EXOC2: variants seen among roughly 807,000 people sequenced by gnomAD.
EXOC2 encodes the protein exocyst complex component 2, also known as SEC5-like 1.
A neutral mutation model predicts 131.8 loss-of-function variants in EXOC2; 70 were observed. The ratio of observed to expected loss-of-function variants is 0.53; its 90% CI spans 0.44 to 0.65. The LOEUF (loss-of-function observed/expected upper bound fraction) is 0.65, where lower values mean the gene tolerates loss of function less well. Among genes scored for constraint, EXOC2 ranks in the 30% least tolerant of loss-of-function variants. The pLI is 0.00. For missense variants in EXOC2, 923 were observed against 1,108.6 expected, an observed-to-expected ratio of 0.83 and a Z score of 2.38; for synonymous variants, 411 against 398.4, an observed-to-expected ratio of 1.03 and a Z score of -0.38.
At chr6:536,893 A>G (rs1464184578) in intron 22 of EXOC2, among the ~76,000 whole-genome samples, 1 of 152,224 alleles carries the variant, frequency 6.6e-6, no homozygotes, top group African/African-American at 2.4e-5. Flanking sequence ...ATGAACTGAA[A>G]AAATATGTAT....
Position 486,722 on chromosome 6 carries a change from G to C in EXOC2, c.2724C>G (p.His908Gln). ...CTGCTTGGAAACAGGTGAGCTGCAA[G>C]TGCATGCTACTCTTGAACTTGTTCA... ...ELLNKFKSSMHLQLTCFQAAS... is the reference protein window; with the variant it reads ...ELLNKFKSSMQLQLTCFQAAS... The change falls in exon 28 of 28, where the codon CAC becomes CAG. Residue 908 changes from histidine to glutamine, a missense_variant. Coordinates refer to ENST00000230449, the MANE Select transcript of EXOC2 (RefSeq NM_018303.6). The C allele has an allele frequency of 3.1e-6, 5 of 1,614,190 alleles. No individual in the cohort carries two copies. Among genetic ancestry groups the C allele is most frequent in the Non-Finnish European group, 3.4e-6 (4 of 1,180,030 alleles).
At chr6:503,317 G>A (rs150351076) in intron 23 of EXOC2, among the ~76,000 whole-genome samples, 237 of 152,250 alleles carry the variant, frequency 1.6e-3, no homozygotes, top group African/African-American at 5.4e-3. Context: ...AAGGCATATG[G>A]TGCTCCAAGT....
At chr6:546,550 A>G (rs541239845) in intron 22 of EXOC2, among the ~76,000 whole-genome samples, 1 of 152,104 alleles carries the variant, frequency 6.6e-6, no homozygotes, top group Non-Finnish European at 1.5e-5. Context: ...TTATACACGC[A>G]TTTTCTTCTG....
At chr6:549,025 CT>C in intron 22 of EXOC2, 149 bp downstream of exon 22, 1 of 687,168 alleles carries the variant, frequency 1.5e-6, no homozygotes, top group Non-Finnish European at 2.6e-6. Context: ...TCATCCAAAG[CT>C]TTAGCAGGGT....
rs182510761 is a variant in EXOC2, at chr6:610,083, T to C, written c.742+15A>G. The C allele has an allele frequency of 1.2e-4, 194 of 1,611,246 alleles. No homozygotes were observed. The African/African-American group carries it at 2.4e-3, about 20-fold the overall frequency. ...AAAATCCATAAATAGTTCTGGGTAG[T>C]AGGACAAAACTTACTGTTCAGAACA... On this transcript the variant is annotated intron_variant, in intron 7 of 27. Transcript: ENST00000230449.
At chr6:645,694 ATG>A (rs949244596) in intron 1 of EXOC2, among the ~76,000 whole-genome samples, 1 of 152,104 alleles carries the variant, frequency 6.6e-6, no homozygotes, top group East Asian at 1.9e-4. Flanking sequence ...TGGTAGATTT[ATG>A]TGTGTGTGCA....
intron 1 of EXOC2, among the ~76,000 whole-genome samples, chr6:659,830 A>G (rs1319501270): frequency 6.6e-6 from 1 of 152,186 alleles, no homozygotes; most frequent in Non-Finnish European, 1.5e-5. Flanking sequence ...TGAACTTTGT[A>G]ACAATTTCAA....
At chr6:657,060 C>G in intron 1 of EXOC2, 2 of 870,044 alleles carry the variant, frequency 2.3e-6, no homozygotes, top group Non-Finnish European at 1.7e-6. Flanking sequence ...GGCCCCCCAG[C>G]TAGGCAGGCA....
intron 1 of EXOC2, among the ~76,000 whole-genome samples, chr6:680,909 G>C (rs920672221): frequency 1.3e-5 from 2 of 152,132 alleles, no homozygotes; most frequent in South Asian, 4.1e-4. Context: ...TGAAACGGTG[G>C]CCGGGCTGAC....
chr6:528,594 T>C (rs1254112314), intron 23 of EXOC2, among the ~76,000 whole-genome samples: 1 of 152,140 alleles, frequency 6.6e-6, no homozygotes, highest in African/African-American at 2.4e-5. Flanking sequence ...AGTAAATAAA[T>C]TGCTGGTAGT....
chr6:662,939 C>T (rs1392298077), intron 1 of EXOC2, among the ~76,000 whole-genome samples: 3 of 151,236 alleles, frequency 2.0e-5, no homozygotes, highest in South Asian at 2.1e-4. Flanking sequence ...TGCAGTGAGC[C>T]GAGATCACAC....
At chr6:644,042 C>G (rs2127726420) in intron 1 of EXOC2, among the ~76,000 whole-genome samples, 1 of 152,150 alleles carries the variant, frequency 6.6e-6, no homozygotes, top group East Asian at 1.9e-4. Context: ...AACTTTCCTA[C>G]AAAGAAAACT....
intron 23 of EXOC2, among the ~76,000 whole-genome samples, chr6:501,327 ATATATCTATATATATTATATATATC>A (rs1764129112): frequency 1.4e-3 from 1 of 698 alleles, no homozygotes; most frequent in African/African-American, 4.5e-3. Context: ...TATATATTAT[ATATATCTATATATATTATATATATC>A]TATATATTAT....
intron 11 of EXOC2, among the ~76,000 whole-genome samples, chr6:589,285 T>C (rs947031168): frequency 6.6e-6 from 1 of 151,728 alleles, no homozygotes; most frequent in African/African-American, 2.4e-5. Flanking sequence ...GCACGGTGTC[T>C]GGAACGCGTC....
Position 688,066 on chromosome 6 carries a change from T to C in EXOC2, c.-44+4953A>G, listed in dbSNP as rs1014975482. Among the ~76,000 whole-genome samples the C allele has an allele frequency of 3.9e-5, 6 of 152,142 alleles. No homozygotes were observed. The East Asian group carries it at 5.8e-4, about 15-fold the overall frequency. ...AGCATAAATACAACCTCTTCCACTG[T>C]GACTGGGGAGGAGGAACAGTTTTTG... On this transcript the variant is annotated intron_variant, in intron 1 of 27. Transcript: ENST00000230449.
intron 5 of EXOC2, among the ~76,000 whole-genome samples, chr6:618,650 C>T (rs1761133688): frequency 6.6e-6 from 1 of 152,136 alleles, no homozygotes; most frequent in African/African-American, 2.4e-5. Context: ...AAAATGCCAA[C>T]CTTTCCTCAT....
chr6:509,781 C>T (rs970216588), intron 23 of EXOC2, among the ~76,000 whole-genome samples: 21 of 152,124 alleles, frequency 1.4e-4, no homozygotes, highest in African/African-American at 2.4e-4. Flanking sequence ...TAAACACAGG[C>T]GGATTTCAAG....
Position 549,284 on chromosome 6 carries a change from C to T in EXOC2, c.2129G>A (p.Arg710His), listed in dbSNP as rs781679974. 9.3e-6 allele frequency: 15 copies of T among 1,612,712 alleles called. No homozygotes were observed. The highest frequency in any genetic ancestry group is 5.0e-5 in the Admixed American group (3 of 59,950). ...HEDFSLTSEQRLLIVLSNCCY... is the reference protein window; with the variant it reads ...HEDFSLTSEQHLLIVLSNCCY... ...GCAATTACTTAGGACTATCAAAAGG[C>T]GCTGTTCCTAAAAGCAAAACAAATG... Residue 710 changes from arginine to histidine, a missense_variant, in exon 22 of 28, where the codon CGC becomes CAC. Transcript: ENST00000230449.
At chr6:580,048 G>GTT (rs11373096) in intron 11 of EXOC2, among the ~76,000 whole-genome samples, 50,238 of 146,672 alleles carry the variant, frequency 0.34, 8,965 homozygotes, top group Middle Eastern at 0.47. Flanking sequence ...AGTTTTTTTT[G>GTT]TTTTTTTTTT....
Sources: gnomAD v4.1 joint callset for allele counts (sites outside exome capture counted in the v4.1 genomes callset) on GRCh38, gnomAD v4.1.1 for gene constraint, MANE v1.5 for transcripts, NCBI Gene and HGNC (gene_info 2026-07-23, HGNC 2026-07-21) for gene names.